DDX24: variants seen among roughly 807,000 people sequenced by gnomAD.
DDX24 encodes DEAD-box helicase 24.
Under a neutral mutation model 68.9 loss-of-function variants are expected in DDX24, and 24 were observed. The observed-to-expected ratio is 0.35, with a 90% CI of 0.25 to 0.49. The LOEUF (loss-of-function observed/expected upper bound fraction) is 0.49, where lower values mean the gene tolerates loss of function less well. Among genes scored for constraint, DDX24 ranks in the 20% least tolerant of loss-of-function variants. The probability of loss-of-function intolerance (pLI) is 0.99; values close to 1 mark genes in which losing one functional copy is unlikely to be tolerated. For missense variants in DDX24, 989 were observed against 1,039.0 expected, an observed-to-expected ratio of 0.95 and a Z score of 0.66; for synonymous variants, 395 against 385.2, an observed-to-expected ratio of 1.03 and a Z score of -0.30.
chr14:94,053,242 G>C, intron 7 of DDX24, 115 bp from the exon 8 acceptor site: 3 of 1,410,398 alleles, frequency 2.1e-6, no homozygotes, highest in Non-Finnish European at 1.9e-6. Flanking sequence ...TGCTGCCCAG[G>C]CTGGAGAGCA....
chr14:94,062,810 G>A (rs966818576), intron 2 of DDX24, among the ~76,000 whole-genome samples, 189 bp from the exon 3 acceptor site: 3 of 152,140 alleles, frequency 2.0e-5, no homozygotes, highest in African/African-American at 7.2e-5. Flanking sequence ...AGAACCCGAG[G>A]AAAAGTATGG....
At chr14:94,071,983 G>A (rs1422446828) in intron 2 of DDX24, among the ~76,000 whole-genome samples, 4 of 152,104 alleles carry the variant, frequency 2.6e-5, no homozygotes, top group African/African-American at 7.2e-5. Context: ...TGGTGAACAA[G>A]GAACACTTCT....
rs181092741 is a variant in DDX24 at position 94,065,105 on chromosome 14, A to G, written c.719-2484T>C. Among the ~76,000 whole-genome samples, 422 of 151,234 alleles carry G rather than the reference A, an allele frequency of 2.8e-3. 2 individuals are homozygous for G. Among genetic ancestry groups the G allele is most frequent in the African/African-American group, 9.9e-3 (405 of 41,068 alleles). ...TTGCTCTGTCGCCAGGCTGGAGTAC[A>G]GTGGTACAATCTCAGCTCACTGCAA... On this transcript the variant is annotated intron_variant, in intron 2 of 8. Coordinates refer to ENST00000621632, the MANE Select transcript of DDX24 (RefSeq NM_020414.4).
In DDX24 at chr14:94,051,257, C is replaced by G. The variant is rs1246772357; in HGVS notation, c.2514G>C (p.Lys838Asn). Residue 838 changes from lysine (K) to asparagine (N), a missense_variant, in exon 9 of 9, where the codon AAG becomes AAC. This residue lies in a region of DDX24 where 691 missense variants were observed against 760.0 expected (regional missense o/e 0.91). Transcript: ENST00000621632. ...SALSCLSKQK[K>N]KKTKKPKEPQ... Reference sequence around the variant, plus strand: ...GCTCCTTCGGCTTCTTTGTCTTCTTCTTCTTCTGCTTGGAGAGACAGCTCA... The same window carrying G: ...GCTCCTTCGGCTTCTTTGTCTTCTTGTTCTTCTGCTTGGAGAGACAGCTCA... 1.9e-6 allele frequency: 3 copies of G among 1,598,692 alleles called. No individual in the cohort carries two copies. Among genetic ancestry groups the G allele is most frequent in the East Asian group, 2.2e-5 (1 of 44,514 alleles).
At chr14:94,068,900 A>G (rs766779953) in intron 2 of DDX24, among the ~76,000 whole-genome samples, 206 of 152,336 alleles carry the variant, frequency 1.4e-3, no homozygotes, top group Non-Finnish European at 2.6e-3. Context: ...AAATGGCTAC[A>G]TCGAAAAGTC....
chr14:94,079,345 ACCATGTCATCTC>A lies in DDX24; in HGVS notation c.386_397del (p.Gly129_Met132del). ...CTCCCCAGCCTCCGGATCATCACAA[ACCATGTCATCTC>A]CCTGGGCCTCCAGCTCAGGATCTTT... On this transcript the variant is annotated inframe_deletion, in exon 2 of 9. Transcript: ENST00000621632. The A allele has an allele frequency of 6.2e-7, 1 of 1,613,888 alleles. No homozygotes were observed. Among genetic ancestry groups the A allele is most frequent in the Non-Finnish European group, 8.5e-7 (1 of 1,179,972 alleles).
Position 94,055,181 on chromosome 14 carries a change from G to A in DDX24, c.1993C>T (p.Pro665Ser). ...KVQHVIHYQV[P>S]RTSEIYVHRS... ...TGGACATAAATCTCCGAGGTACGTG[G>A]GACCTGCCACAGGAAGAACTGGGAG... Residue 665 changes from proline to serine, a missense_variant, in exon 7 of 9, where the codon CCA becomes TCA. Coordinates refer to ENST00000621632, the MANE Select transcript of DDX24 (RefSeq NM_020414.4). 2 of 1,612,214 alleles carry A rather than the reference G, an allele frequency of 1.2e-6. No individual in the cohort carries two copies. The highest frequency in any genetic ancestry group is 1.7e-6 in the Non-Finnish European group (2 of 1,178,578).
chr14:94,065,396 C>CACACACACACACACACACACAG (rs1885682844), intron 2 of DDX24, among the ~76,000 whole-genome samples: 1 of 151,946 alleles, frequency 6.6e-6, no homozygotes, highest in African/African-American at 2.4e-5. Flanking sequence ...CACACACACA[C>CACACACACACACACACACACAG]ACACACACAA....
Position 94,051,416 on chromosome 14 carries a change from C to T in DDX24, c.2355G>A (p.Met785Ile), listed in dbSNP as rs772554599. ...GGCGCAGCTCCTTCTTCAGAACCTT[C>T]ATCTGCTTTTGTCTCCGACGTTCTT... ...QQEERRRQKQ[M>I]KVLKKELRHL... Residue 785 changes from methionine to isoleucine, a missense_variant, in exon 9 of 9, where the codon ATG becomes ATA. By Grantham distance (10) the Met-to-Ile change is conservative (BLOSUM62 1). This residue lies in a region of DDX24 where 691 missense variants were observed against 760.0 expected (regional missense o/e 0.91). Transcript: ENST00000621632. 1.9e-6 allele frequency: 3 copies of T among 1,592,408 alleles called. No homozygotes were observed. Among genetic ancestry groups the T allele is most frequent in the African/African-American group, 2.7e-5 (2 of 73,794 alleles).
intron 5 of DDX24, among the ~76,000 whole-genome samples, chr14:94,059,085 C>T (rs1885543532): frequency 6.6e-6 from 1 of 152,216 alleles, no homozygotes; most frequent in Non-Finnish European, 1.5e-5. Flanking sequence ...AAAAGGGCAG[C>T]AAGCAAGATT....
intron 2 of DDX24, among the ~76,000 whole-genome samples, chr14:94,063,317 C>T (rs1182753134): frequency 6.8e-6 from 1 of 146,146 alleles, no homozygotes; most frequent in African/African-American, 2.5e-5. Context: ...CAAAAACAGA[C>T]ACATGAAACT....
At chr14:94,059,928 AAT>A (rs1305934192) in intron 5 of DDX24, among the ~76,000 whole-genome samples, 168 bp downstream of exon 5, 2 of 151,832 alleles carry the variant, frequency 1.3e-5, no homozygotes, top group Admixed American at 6.6e-5. Flanking sequence ...AAATTCACTA[AAT>A]GACAGTAACC....
In DDX24 at chr14:94,079,235, C is replaced by G. The variant is rs756776187; in HGVS notation, c.508G>C (p.Ala170Pro). ...TTCGCTTTTTTGGGCACCTTGGCAG[C>G]AGTGCTCTGAGAAGGCTCCAACCCT... ...KKGLEPSQSTAAKVPKKAKTW... is the reference protein window; with the variant it reads ...KKGLEPSQSTPAKVPKKAKTW... Residue 170 changes from alanine (A) to proline (P), a missense_variant, in exon 2 of 9, where the codon GCT (alanine) becomes CCT (proline). By Grantham distance (27) the Ala-to-Pro change is conservative. This residue lies in a region of DDX24 where 295 missense variants were observed against 263.0 expected (regional missense o/e 1.12). Transcript: ENST00000621632. 6.2e-7 allele frequency: 1 copy of G among 1,614,194 alleles called. No homozygotes were observed. The highest frequency in any genetic ancestry group is 8.5e-7 in the Non-Finnish European group (1 of 1,180,046).
chr14:94,062,698 C>A (rs553734404), intron 2 of DDX24, 77 bp from the exon 3 acceptor site: 1 of 1,511,136 alleles, frequency 6.6e-7, no homozygotes, highest in Middle Eastern at 2.4e-4. Context: ...GGAATTCATT[C>A]TTTTGCATAG....
intron 2 of DDX24, among the ~76,000 whole-genome samples, chr14:94,072,534 C>G (rs764957806): frequency 6.6e-6 from 1 of 152,158 alleles, no homozygotes; most frequent in African/African-American, 2.4e-5. Flanking sequence ...ACCAAAATCT[C>G]ACAAATCACC....
chr14:94,052,776 G>T (rs112405389), intron 8 of DDX24, among the ~76,000 whole-genome samples: 1 of 152,308 alleles, frequency 6.6e-6, no homozygotes, highest in Non-Finnish European at 1.5e-5. Context: ...TCCACTGCCT[G>T]TCCATGTAAG....
chr14:94,058,009 A>C, intron 5 of DDX24, 112 bp from the exon 6 acceptor site: 1 of 973,108 alleles, frequency 1.0e-6, no homozygotes, highest in Non-Finnish European at 1.5e-6. Flanking sequence ...ACTCTGTAAG[A>C]TATCACTTGT....
Position 94,061,052 on chromosome 14 carries a change from T to C in DDX24, c.1258A>G (p.Ile420Val), listed in dbSNP as rs749263206. The C allele has an allele frequency of 5.6e-6, 9 of 1,614,128 alleles. No homozygotes were observed. The highest frequency in any genetic ancestry group is 1.6e-4 in the Middle Eastern group (1 of 6,062). Residue 420 changes from isoleucine (I) to valine (V), a missense_variant, in exon 4 of 9, where the codon ATT becomes GTT. Ile to Val is a conservative substitution (Grantham distance 29, BLOSUM62 3). This residue lies in a region of DDX24 where 691 missense variants were observed against 760.0 expected (regional missense o/e 0.91). Coordinates refer to ENST00000621632, the MANE Select transcript of DDX24 (RefSeq NM_020414.4). Reference protein sequence around the residue: ...VARFTGIKTAILVGGMSTQKQ... With the variant: ...VARFTGIKTAVLVGGMSTQKQ... ...TGCGTGGACATTCCACCAACCAAAA[T>C]AGCAGTTTTAATTCCTATGGGACAG...
At chr14:94,055,551 G>A (rs1270279827) in intron 6 of DDX24, 3 of 222,320 alleles carry the variant, frequency 1.3e-5, no homozygotes, top group African/African-American at 2.3e-5. Context: ...CATAGATAAT[G>A]TGGCATGGTT....
Sources: gnomAD v4.1 joint callset for allele counts (sites outside exome capture counted in the v4.1 genomes callset) on GRCh38, gnomAD v4.1.1 for gene constraint, gnomAD v4.1.1 regional missense constraint, MANE v1.5 for transcripts, NCBI Gene and HGNC (gene_info 2026-07-23, HGNC 2026-07-21) for gene names.